The following SLC51A variants were observed in gnomAD, a reference collection of about 807,000 sequenced individuals.
SLC51A encodes the protein organic solute transporter subunit alpha.
SLC51A carries 22 observed loss-of-function variants against 34.8 expected under a neutral mutation model. The observed-to-expected ratio is 0.63, with a 90% CI of 0.45 to 0.90. SLC51A has a LOEUF of 0.90. Among genes scored for constraint, SLC51A ranks in the 40% least tolerant of loss-of-function variants. SLC51A has a pLI of 0.00. For missense variants in SLC51A, 371 were observed against 414.8 expected (o/e 0.89, Z 0.92); for synonymous variants, 181 against 176.3 (o/e 1.03, Z -0.21).
chr3:196,222,839 G>A (rs532723999), intron 2 of SLC51A, among the ~76,000 whole-genome samples: 1 of 151,840 alleles, frequency 6.6e-6, no homozygotes, highest in East Asian at 1.9e-4. Flanking sequence ...GGGAAATTGA[G>A]TTTAACCAGC....
In SLC51A at chr3:196,233,068, A is replaced by G. The variant is rs1470478350; in HGVS notation, c.892A>G (p.Asn298Asp). 6.2e-7 allele frequency: 1 copy of G among 1,614,108 alleles called. No individual in the cohort carries two copies. The highest frequency in any genetic ancestry group is 1.7e-5 in the Admixed American group (1 of 60,022). Reference sequence around the variant, plus strand: ...TATTTCACCCTACACTGCAGTGATGAATTGCCACCTCCTCATACTGGAGAC... The same window carrying G: ...TATTTCACCCTACACTGCAGTGATGGATTGCCACCTCCTCATACTGGAGAC... ...YSSKTRSQVM[N>D]CHLLILETFL... is the part of the protein sequence containing the mutation. Residue 298 changes from asparagine (N) to aspartate (D), a missense_variant, in exon 9 of 9, where the codon AAT (asparagine) becomes GAT (aspartate). Coordinates refer to ENST00000296327, the MANE Select transcript of SLC51A (RefSeq NM_152672.6).
intron 2 of SLC51A, chr3:196,224,047 T>C (rs1686341174): frequency 2.1e-5 from 6 of 290,202 alleles, no homozygotes; most frequent in South Asian, 5.6e-5. Context: ...TTGGTAGAGA[T>C]GGGGTTCCAC....
chr3:196,228,718 G>A lies in SLC51A; in HGVS notation c.522-91G>A. ...GGTTGGTGTTTATGACAGCAGCCGA[G>A]CCTCAGCCCAGGAGCCCTGTGAGGA... On this transcript the variant is annotated intron_variant, in intron 5 of 8. Coordinates refer to ENST00000296327, the MANE Select transcript of SLC51A (RefSeq NM_152672.6). The surrounding 1 kb of genome is among the most constrained non-coding windows in gnomAD (Gnocchi z 4.9). The A allele has an allele frequency of 2.9e-6, 3 of 1,049,408 alleles. No homozygotes were observed. Among genetic ancestry groups the A allele is most frequent in the Admixed American group, 1.8e-5 (1 of 56,944 alleles). The allele number at this position is 1,049,408 out of a possible 1,614,324, so 65.0% of individuals were successfully genotyped here.
rs745436624 is a variant in SLC51A, at chr3:196,227,126, C to A, written c.288+7C>A. 7.4e-6 allele frequency: 12 copies of A among 1,612,602 alleles called. No homozygotes were observed. The highest frequency in any genetic ancestry group is 2.2e-5 in the East Asian group (1 of 44,868). On this transcript the variant is annotated splice_region_variant and intron_variant, in intron 3 of 8. Coordinates refer to ENST00000296327, the MANE Select transcript of SLC51A (RefSeq NM_152672.6). ...GAAGAGCTCGGCACCCACGGTGAGG[C>A]CCCCGGGGCTGCCCTGTGGGGGGAA...
In SLC51A at chr3:196,228,069, C is replaced by A; in HGVS notation, c.363-46C>A. 6.3e-7 allele frequency: 1 copy of A among 1,584,626 alleles called. No homozygotes were observed. The highest frequency in any genetic ancestry group is 1.2e-5 in the South Asian group (1 of 85,900). ...AGCCCCACCTCTCCCTGCTGTCTTT[C>A]TCTCTGGCAGCAGACCTCGTAGGCC... On this transcript the variant is annotated intron_variant, in intron 4 of 8. Coordinates refer to ENST00000296327, the MANE Select transcript of SLC51A (RefSeq NM_152672.6). This position sits in a 1 kb window ranked among gnomAD's most constrained non-coding sequence, Gnocchi z 4.9.
chr3:196,224,719 G>GT (rs1723853204), intron 2 of SLC51A, among the ~76,000 whole-genome samples: 3 of 71,246 alleles, frequency 4.2e-5, no homozygotes, highest in East Asian at 4.2e-3. Flanking sequence ...GAGATGGGAG[G>GT]GGAGGAGAGG....
At chr3:196,220,435 G>A (rs1397696689) in intron 2 of SLC51A, among the ~76,000 whole-genome samples, 1 of 152,030 alleles carries the variant, frequency 6.6e-6, no homozygotes, top group African/African-American at 2.4e-5. Context: ...TGTCTCTACT[G>A]AAAATACAAA....
intron 4 of SLC51A, 44 bp downstream of exon 4, chr3:196,227,781 C>T (rs770825832): frequency 4.2e-5 from 65 of 1,558,902 alleles, no homozygotes; most frequent in Admixed American, 3.2e-4. Flanking sequence ...CCCTCTGCTC[C>T]CGCTCACCAG....
At chr3:196,223,796 A>C in intron 2 of SLC51A, 1 of 401,270 alleles carries the variant, frequency 2.5e-6, no homozygotes, top group South Asian at 1.8e-5. Context: ...AAAATCATCT[A>C]CAGTCCCACC....
chr3:196,216,738 A>C lies in SLC51A; in HGVS notation c.26A>C (p.Lys9Thr). The change falls in exon 1 of 9, where the codon AAG becomes ACG. Residue 9 changes from lysine to threonine, a missense_variant. Transcript: ENST00000296327. The surrounding 1 kb of genome is among the most constrained non-coding windows in gnomAD (Gnocchi z 4.5). Reference protein sequence around the residue: MEPGRTQIKLDPRYTADLL... With the variant: MEPGRTQITLDPRYTADLL... ...ATGGAGCCGGGCAGGACCCAGATAAAGCTTGACCCCAGGTAAGTGAGGGCG... is the reference window on the plus strand; with the variant it reads ...ATGGAGCCGGGCAGGACCCAGATAACGCTTGACCCCAGGTAAGTGAGGGCG... 1.3e-6 allele frequency: 2 copies of C among 1,578,558 alleles called. No individual in the cohort carries two copies. The highest frequency in any genetic ancestry group is 1.7e-6 in the Non-Finnish European group (2 of 1,161,956).
Position 196,228,100 on chromosome 3 carries a change from C to T in SLC51A, c.363-15C>T. On this transcript the variant is annotated splice_polypyrimidine_tract_variant and intron_variant, in intron 4 of 8. Transcript: ENST00000296327. This position sits in a 1 kb window ranked among gnomAD's most constrained non-coding sequence, Gnocchi z 4.9. ...GGCAGCAGACCTCGTAGGCCCTCTT[C>T]TCTCCCCACCCCAGGTTTTATGCCG... 2 of 1,609,156 alleles carry T rather than the reference C, an allele frequency of 1.2e-6. No individual in the cohort carries two copies. The highest frequency in any genetic ancestry group is 1.7e-6 in the Non-Finnish European group (2 of 1,177,164).
intron 2 of SLC51A, among the ~76,000 whole-genome samples, chr3:196,221,746 C>G (rs546967547): frequency 6.6e-6 from 1 of 150,842 alleles, no homozygotes; most frequent in Non-Finnish European, 1.5e-5. Flanking sequence ...GACAGAGTCT[C>G]GCTCTGTCCC....
At position 196,227,922 on chromosome 3, in the gene SLC51A, GC is replaced by G. The variant is rs1280324702; in HGVS notation, c.362+187del. The G allele has an allele frequency of 4.2e-6, 4 of 943,816 alleles. No homozygotes were observed. In the African/African-American group the frequency reaches 6.6e-5, roughly 16 times the overall value. 58.5% of individuals were successfully genotyped at this position (943,816 alleles called of 1,614,324 possible). A position where few individuals can be genotyped will look rare whatever the true frequency, so the allele number is the denominator to read the frequency against. ...ATTTTGGCATCTGGCACATTCCTCAGCCAGCCCTCTGTTCCCACAGTCTGAA... is the reference window on the plus strand; with the variant it reads ...ATTTTGGCATCTGGCACATTCCTCAGCAGCCCTCTGTTCCCACAGTCTGAA... On this transcript the variant is annotated intron_variant, in intron 4 of 8. Transcript: ENST00000296327.
rs777139829 is a variant in SLC51A, at chr3:196,228,937, G to A, written c.633+17G>A. On this transcript the variant is annotated intron_variant, in intron 6 of 8. Transcript: ENST00000296327. The surrounding 1 kb of genome is among the most constrained non-coding windows in gnomAD (Gnocchi z 4.9). ...CCAGCAGACGTAAGCCGGGAGTAAGGGACAGCACAGTCCAAGACTCATTTA... is the reference window on the plus strand; with the variant it reads ...CCAGCAGACGTAAGCCGGGAGTAAGAGACAGCACAGTCCAAGACTCATTTA... 6.3e-7 allele frequency: 1 copy of A among 1,574,976 alleles called. No homozygotes were observed.
chr3:196,219,034 T>C (rs1723668737), intron 2 of SLC51A, among the ~76,000 whole-genome samples: 1 of 152,106 alleles, frequency 6.6e-6, no homozygotes. Flanking sequence ...GAGACCAGCC[T>C]GGCCAACATG....
rs781141550 is a variant in SLC51A, at chr3:196,227,008, G to A, written c.177G>A (p.Leu59=). ...VELALTSILT[L]LALGSIAIFL... ...TTGCCCTCACTAGCATCCTGACCTT[G>A]CTGGCGCTGGGCTCCATTGCCATCT... Residue 59 remains leucine, a synonymous_variant, in exon 3 of 9, where the codon TTG becomes TTA. Coordinates refer to ENST00000296327, the MANE Select transcript of SLC51A (RefSeq NM_152672.6). The A allele has an allele frequency of 3.1e-6, 5 of 1,613,882 alleles. No homozygotes were observed. Among genetic ancestry groups the A allele is most frequent in the Non-Finnish European group, 4.2e-6 (5 of 1,179,992 alleles).
chr3:196,227,695 G>A lies in SLC51A; in HGVS notation c.320G>A (p.Trp107Ter). The change falls in exon 4 of 9, where the codon TGG (tryptophan) becomes TAG (stop). Residue 107 changes from tryptophan (W) to a stop codon, truncating the protein, a stop_gained. Coordinates refer to ENST00000296327, the MANE Select transcript of SLC51A (RefSeq NM_152672.6). LOFTEE classifies it high-confidence loss of function. ...TCTGTGCTGTGCTGCTTTGGTCTCT[G>A]GATCCCTCGTTCCCTGGTGCTGGTG... ...VVSVLCCFGL[W>*]IPRSLVLVEM... The A allele has an allele frequency of 6.2e-7, 1 of 1,613,856 alleles. No individual in the cohort carries two copies. The highest frequency in any genetic ancestry group is 8.5e-7 in the Non-Finnish European group (1 of 1,179,942).
chr3:196,231,647 C>T (rs2108757503), intron 7 of SLC51A, among the ~76,000 whole-genome samples: 2 of 152,268 alleles, frequency 1.3e-5, no homozygotes, highest in Admixed American at 1.3e-4. Flanking sequence ...GTACTTGAGA[C>T]CAGGCCGAAA....
chr3:196,221,776 T>C (rs1023130482), intron 2 of SLC51A, among the ~76,000 whole-genome samples: 4 of 151,796 alleles, frequency 2.6e-5, no homozygotes, highest in East Asian at 1.9e-4. Flanking sequence ...AGTGCAGTGG[T>C]GTGATCTCAG....
Sources: gnomAD v4.1 joint callset for allele counts (sites outside exome capture counted in the v4.1 genomes callset) on GRCh38, gnomAD v4.1.1 for gene constraint, Gnocchi (gnomAD v3.1) non-coding constraint, MANE v1.5 for transcripts, NCBI Gene and HGNC (gene_info 2026-07-23, HGNC 2026-07-21) for gene names.